OTUD7A: variants seen among roughly 807,000 people sequenced by gnomAD.
OTUD7A encodes OTU deubiquitinase 7A, also known as OTU domain-containing protein 7A.
In OTUD7A, 12 loss-of-function variants were observed where a neutral mutation model predicts 65.7. The observed-to-expected ratio is 0.18, with a 90% confidence interval of 0.12 to 0.30. OTUD7A has a LOEUF of 0.30. Ranked by LOEUF, OTUD7A falls within the 10% of genes least tolerant of loss-of-function variation. OTUD7A has a pLI of 1.00. For synonymous variants in OTUD7A, 641 were observed against 586.3 expected (o/e 1.09, Z -1.35); for missense variants, 1,148 against 1,304.8 (o/e 0.88, Z 1.85).
At chr15:31,627,522 G>C (rs1012131170) in intron 3 of OTUD7A, among the ~76,000 whole-genome samples, 1 of 152,034 alleles carries the variant, frequency 6.6e-6, no homozygotes, top group African/African-American at 2.4e-5. Context: ...CCAAGTCTTT[G>C]CTATTGTGAA....
intron 1 of OTUD7A, among the ~76,000 whole-genome samples, chr15:31,813,239 A>G (rs540580715): frequency 7.2e-5 from 11 of 152,064 alleles, no homozygotes; most frequent in Admixed American, 2.0e-4. Flanking sequence ...TTGCTGATGC[A>G]GATGCTGATA....
intron 1 of OTUD7A, among the ~76,000 whole-genome samples, chr15:31,826,247 A>T (rs1896795108): frequency 6.6e-6 from 1 of 152,254 alleles, no homozygotes; most frequent in African/African-American, 2.4e-5. Flanking sequence ...CTGGGCATCC[A>T]GGCATTTCCA....
chr15:31,856,020 C>T (rs541275519), intron 1 of OTUD7A, among the ~76,000 whole-genome samples: 14 of 152,234 alleles, frequency 9.2e-5, no homozygotes, highest in East Asian at 1.9e-4. Context: ...GGGGCTGCCA[C>T]GTCAATGGTA....
intron 1 of OTUD7A, among the ~76,000 whole-genome samples, chr15:31,731,080 G>A (rs543449866): frequency 6.6e-6 from 1 of 152,254 alleles, no homozygotes; most frequent in South Asian, 2.1e-4. Flanking sequence ...CCAGACTCCT[G>A]GGATAATGCA....
chr15:31,604,400 C>T (rs1003827636), intron 3 of OTUD7A, among the ~76,000 whole-genome samples: 1 of 151,808 alleles, frequency 6.6e-6, no homozygotes, highest in Admixed American at 6.6e-5. Context: ...ACAATGAGAA[C>T]ACATGGACAC....
intron 3 of OTUD7A, among the ~76,000 whole-genome samples, chr15:31,587,470 T>C (rs1043728887): frequency 4.0e-5 from 6 of 151,608 alleles, no homozygotes; most frequent in Non-Finnish European, 8.8e-5. Context: ...ACCCCGTCTC[T>C]ACTAAAAAAA....
chr15:31,703,555 TA>T (rs1419826821), intron 1 of OTUD7A, among the ~76,000 whole-genome samples: 1 of 151,648 alleles, frequency 6.6e-6, no homozygotes. Context: ...ACAGCAAAAA[TA>T]AAAAACAGTG....
intron 10 of OTUD7A, among the ~76,000 whole-genome samples, chr15:31,497,593 T>C (rs1440846951): frequency 2.0e-5 from 3 of 152,148 alleles, no homozygotes; most frequent in South Asian, 4.1e-4. Context: ...CAGATGGCAT[T>C]GACACCTTCC....
At chr15:31,610,850 C>T (rs1036949392) in intron 3 of OTUD7A, among the ~76,000 whole-genome samples, 14 of 150,946 alleles carry the variant, frequency 9.3e-5, no homozygotes, top group African/African-American at 3.2e-4. Context: ...AGGATGGTCT[C>T]GATCTCCTGA....
At chr15:31,624,530 G>A (rs1890893421) in intron 3 of OTUD7A, among the ~76,000 whole-genome samples, 1 of 152,134 alleles carries the variant, frequency 6.6e-6, no homozygotes, top group Non-Finnish European at 1.5e-5. Context: ...GGCAAATCTA[G>A]TCCTCAAAAG....
chr15:31,674,918 T>C, intron 1 of OTUD7A, among the ~76,000 whole-genome samples: 1 of 152,310 alleles, frequency 6.6e-6, no homozygotes, highest in African/African-American at 2.4e-5. Context: ...TCCGATGGTA[T>C]CATGGAACAC....
chr15:31,494,334 G>A (rs188684494), intron 10 of OTUD7A, among the ~76,000 whole-genome samples: 3 of 152,302 alleles, frequency 2.0e-5, no homozygotes, highest in African/African-American at 4.8e-5. Context: ...TCTTGGCCAC[G>A]TGAGGACACA....
intron 1 of OTUD7A, among the ~76,000 whole-genome samples, chr15:31,754,097 T>A (rs1474669273): frequency 6.6e-6 from 1 of 152,186 alleles, no homozygotes; most frequent in Admixed American, 6.5e-5. Flanking sequence ...TGGTTTTGAT[T>A]TGCATTTTTC....
At chr15:31,785,238 C>T (rs968439657) in intron 1 of OTUD7A, among the ~76,000 whole-genome samples, 1 of 152,200 alleles carries the variant, frequency 6.6e-6, no homozygotes, top group African/African-American at 2.4e-5. Context: ...TAACTACACA[C>T]TGACGCATGT....
At chr15:31,687,026 A>G (rs1892853405) in intron 1 of OTUD7A, among the ~76,000 whole-genome samples, 1 of 152,208 alleles carries the variant, frequency 6.6e-6, no homozygotes, top group Admixed American at 6.5e-5. Flanking sequence ...TTTTCTTGGT[A>G]AAATTTTCAA....
chr15:31,765,721 T>A, intron 1 of OTUD7A: 2 of 1,019,622 alleles, frequency 2.0e-6, no homozygotes, highest in South Asian at 3.0e-5. Flanking sequence ...GTTCCACAAG[T>A]ATTACATACT....
At chr15:31,773,209 C>T (rs1009587181) in intron 1 of OTUD7A, among the ~76,000 whole-genome samples, 10 of 152,178 alleles carry the variant, frequency 6.6e-5, no homozygotes, top group African/African-American at 1.9e-4. Context: ...TTGACATTTG[C>T]TAAGATGAGT....
At position 31,475,781 on chromosome 15, in the gene OTUD7A, A is replaced by T. The variant is rs1252113716; in HGVS notation, c.*7513T>A. The T allele has an allele frequency of 1.3e-5, 2 of 152,236 alleles. No individual in the cohort carries two copies. Among genetic ancestry groups the T allele is most frequent in the Non-Finnish European group, 2.9e-5 (2 of 68,034 alleles). 9.4% of individuals were successfully genotyped at this position (152,236 alleles called of 1,614,324 possible). On this transcript the variant is annotated 3_prime_UTR_variant, in exon 13 of 13. Transcript: ENST00000307050. Reference sequence around the variant, plus strand: ...GGTTCTGCACAACTGGGTCAAAGTAATGTGATTGACGACCTACTTTTGCCT... The same window carrying T: ...GGTTCTGCACAACTGGGTCAAAGTATTGTGATTGACGACCTACTTTTGCCT...
intron 1 of OTUD7A, among the ~76,000 whole-genome samples, chr15:31,770,429 A>G (rs558674982): frequency 6.6e-6 from 1 of 152,266 alleles, no homozygotes; most frequent in African/African-American, 2.4e-5. Context: ...TGGTAACAAT[A>G]CTCTTCCCAC....
Sources: gnomAD v4.1 joint callset for allele counts (sites outside exome capture counted in the v4.1 genomes callset) on GRCh38, gnomAD v4.1.1 for gene constraint, MANE v1.5 for transcripts, NCBI Gene and HGNC (gene_info 2026-07-23, HGNC 2026-07-21) for gene names.